The following DNMT3A variants were observed in gnomAD, a reference collection of about 807,000 sequenced individuals.
The protein encoded by DNMT3A is DNA (cytosine-5)-methyltransferase 3A.
Under a neutral mutation model 117.6 loss-of-function variants are expected in DNMT3A, and 267 were observed. That is an observed-to-expected ratio of 2.27 (90% CI 2.05 to 2.51). The LOEUF (loss-of-function observed/expected upper bound fraction) is 2.51. Among genes scored for constraint, DNMT3A ranks in the 30% most tolerant of loss-of-function variants. The pLI is 0.00. For missense variants in DNMT3A, 1,029 were observed against 1,260.2 expected (o/e 0.82, Z 2.78); for synonymous variants, 432 against 474.8 (o/e 0.91, Z 1.17).
chr2:25,341,980 C>A, upstream of DNMT3A: 1 of 967,856 alleles, frequency 1.0e-6, no homozygotes, highest in Non-Finnish European at 1.2e-6. Flanking sequence ...TCCCTCCCTC[C>A]GCTCGCTGTC....
At chr2:25,323,172 G>A (rs2034662449) in intron 1 of DNMT3A, among the ~76,000 whole-genome samples, 1 of 152,110 alleles carries the variant, frequency 6.6e-6, no homozygotes, top group African/African-American at 2.4e-5. Flanking sequence ...TGCGATGGAA[G>A]GATGCTAACA....
chr2:25,295,024 G>A (rs1362342534), intron 3 of DNMT3A, among the ~76,000 whole-genome samples: 2 of 152,162 alleles, frequency 1.3e-5, no homozygotes, highest in Non-Finnish European at 2.9e-5. Flanking sequence ...ATAGGGGATG[G>A]AGCCCCACAG....
At chr2:25,241,517 G>A (rs1674018878) in intron 17 of DNMT3A, 45 bp downstream of exon 17, 2 of 1,583,864 alleles carry the variant, frequency 1.3e-6, no homozygotes, top group Non-Finnish European at 1.7e-6. Flanking sequence ...GGTGCTGAGT[G>A]TGCAGGGAGG....
Position 25,244,170 on chromosome 2 carries a change from GT to G in DNMT3A, c.1835del (p.Asn612ThrfsTer39). 6.2e-7 allele frequency: 1 copy of G among 1,613,938 alleles called. No homozygotes were observed. Among genetic ancestry groups the G allele is most frequent in the Non-Finnish European group, 8.5e-7 (1 of 1,180,026 alleles). On this transcript the variant is annotated frameshift_variant, in exon 15 of 23. Transcript: ENST00000321117. LOFTEE classifies it high-confidence loss of function. ...CAGCACTCACAAATTCCTGGTCGTG[GT>G]TATTAGCGAAGAACATCTGGAGCCG... ...PSRLQMFFAN[N>X]HDQEFDPPKV...
At chr2:25,263,836 C>T (rs1023333176) in intron 6 of DNMT3A, among the ~76,000 whole-genome samples, 11 of 152,314 alleles carry the variant, frequency 7.2e-5, no homozygotes, top group Non-Finnish European at 1.2e-4. Context: ...AGGTCAATGG[C>T]GGTACACTGC....
intron 1 of DNMT3A, among the ~76,000 whole-genome samples, chr2:25,318,584 C>A (rs759648713): frequency 6.6e-6 from 1 of 152,030 alleles, no homozygotes; most frequent in Non-Finnish European, 1.5e-5. Flanking sequence ...CCGTGCCCAG[C>A]CAAAATTCTT....
At chr2:25,314,743 C>A (rs1039983588) in intron 1 of DNMT3A, 5 of 979,390 alleles carry the variant, frequency 5.1e-6, no homozygotes, top group South Asian at 4.7e-5. Flanking sequence ...GGAGAGGCCA[C>A]GGCCACGGCC....
chr2:25,247,163 G>A lies in DNMT3A; in HGVS notation c.1015-5C>T. Reference sequence around the variant, plus strand: ...CATCAGCTTCTCAACACACACCTGGGGGGACAAGCCAGGCCTTGTTTGCCG... The same window carrying A: ...CATCAGCTTCTCAACACACACCTGGAGGGACAAGCCAGGCCTTGTTTGCCG... On this transcript the variant is annotated splice_polypyrimidine_tract_variant and splice_region_variant and intron_variant, in intron 8 of 22. Transcript: ENST00000321117. The surrounding 1 kb of genome is among the most constrained non-coding windows in gnomAD (Gnocchi z 5.6). 2 of 1,613,554 alleles carry A rather than the reference G, an allele frequency of 1.2e-6. No homozygotes were observed. Among genetic ancestry groups the A allele is most frequent in the Non-Finnish European group, 1.7e-6 (2 of 1,179,726 alleles).
Position 25,287,989 on chromosome 2 carries a change from T to C in DNMT3A, c.178-5278A>G, listed in dbSNP as rs535940676. Among the ~76,000 whole-genome samples the C allele has an allele frequency of 1.7e-3, 262 of 151,924 alleles. 2 individuals carry two copies. Among genetic ancestry groups the C allele is most frequent in the African/African-American group, 5.9e-3 (245 of 41,498 alleles). ...AGCTGGGATTACAGGTGTCTGCTATTACACTTGGCTAACTTTTTGTATTTT... is the reference window on the plus strand; with the variant it reads ...AGCTGGGATTACAGGTGTCTGCTATCACACTTGGCTAACTTTTTGTATTTT... On this transcript the variant is annotated intron_variant, in intron 3 of 22. Coordinates refer to ENST00000321117, the MANE Select transcript of DNMT3A (RefSeq NM_022552.5).
At chr2:25,336,668 G>A (rs549774423) in intron 1 of DNMT3A, among the ~76,000 whole-genome samples, 46 of 151,288 alleles carry the variant, frequency 3.0e-4, no homozygotes, top group Middle Eastern at 3.4e-3. Context: ...TGGCCGCCAC[G>A]CTGAGGCAGT....
rs572607540 is a variant in DNMT3A at position 25,340,452 on chromosome 2, G to A, written c.-178+1374C>T. Among the ~76,000 whole-genome samples the A allele has an allele frequency of 2.0e-4, 31 of 152,198 alleles. No homozygotes were observed. The East Asian group carries it at 5.5e-3, about 27-fold the overall frequency. ...GGCAGCCCCAGGGCCGCGGGCCCCAGCGATGAGGGGCTGGGGGAGGCCAGG... is the reference window on the plus strand; with the variant it reads ...GGCAGCCCCAGGGCCGCGGGCCCCAACGATGAGGGGCTGGGGGAGGCCAGG... On this transcript the variant is annotated intron_variant, in intron 1 of 22. Coordinates refer to ENST00000321117, the MANE Select transcript of DNMT3A (RefSeq NM_022552.5).
rs139759696 is a variant in DNMT3A, at chr2:25,332,203, C to T, written c.-178+9623G>A. On this transcript the variant is annotated intron_variant, in intron 1 of 22. Transcript: ENST00000321117. The stretch of plus-strand genomic sequence containing the variant: ...AGCCCAACGTCCGTTCATAACATCC[C>T]GCCTTCCATGTCCCCCGGCCCAGGC... 1.8e-3 allele frequency among the ~76,000 whole-genome samples: 281 copies of T among 152,312 alleles called. 3 individuals are homozygous for T. Among genetic ancestry groups the T allele is most frequent in the African/African-American group, 6.5e-3 (272 of 41,562 alleles).
At position 25,246,045 on chromosome 2, in the gene DNMT3A, C is replaced by T. The variant is rs1558668621; in HGVS notation, c.1449G>A (p.Val483=). The change falls in exon 12 of 23, where the codon GTG becomes GTA. Residue 483 remains valine, a synonymous_variant. Transcript: ENST00000321117. ...ERTRERLVYE[V]RQKCRNIEDI... ...CCTCAATGTTCCGGCACTTCTGCCGCACCTCGTACACCAGCCGCTCTGCAA... is the reference window on the plus strand; with the variant it reads ...CCTCAATGTTCCGGCACTTCTGCCGTACCTCGTACACCAGCCGCTCTGCAA... 4.3e-6 allele frequency: 7 copies of T among 1,614,020 alleles called. No homozygotes were observed. The highest frequency in any genetic ancestry group is 5.9e-6 in the Non-Finnish European group (7 of 1,179,980).
rs2031968465 is a variant in DNMT3A, at chr2:25,282,599, C to G, written c.290G>C (p.Ser97Thr). Residue 97 changes from serine to threonine, a missense_variant, in exon 4 of 23, where the codon AGT becomes ACT. Transcript: ENST00000321117. This position sits in a 1 kb window ranked among gnomAD's most constrained non-coding sequence, Gnocchi z 5.2. ...LLPNGDLEKRSEPQPEEGSPA... is the reference protein window; with the variant it reads ...LLPNGDLEKRTEPQPEEGSPA... The stretch of plus-strand genomic sequence containing the variant: ...GCTCCCCTCCTCTGGCTGGGGCTCA[C>G]TCCGCTTCTCCAAGTCCCCATTGGG... The G allele has an allele frequency of 1.2e-6, 2 of 1,613,572 alleles. No homozygotes were observed. The highest frequency in any genetic ancestry group is 2.2e-5 in the South Asian group (2 of 91,034).
intron 1 of DNMT3A, among the ~76,000 whole-genome samples, chr2:25,338,235 A>G (rs1397366750): frequency 6.6e-6 from 1 of 152,222 alleles, no homozygotes; most frequent in Admixed American, 6.5e-5. Context: ...ACCTCCCACA[A>G]ACAGTCCCGT....
chr2:25,315,500 G>A (rs1198238126), intron 1 of DNMT3A, among the ~76,000 whole-genome samples: 1 of 152,216 alleles, frequency 6.6e-6, no homozygotes, highest in Non-Finnish European at 1.5e-5. Context: ...TAGGCACAGC[G>A]CAGTGCTGGG....
rs1558722477 is a variant in DNMT3A at position 25,300,707 on chromosome 2, A to AC, written c.73-465_73-464insG. On this transcript the variant is annotated intron_variant, in intron 2 of 22. Transcript: ENST00000321117. ...TAGATATATATTTATATATCTAAAT[A>AC]ATATAATATATATATATATATATAT... 3.0e-3 allele frequency among the ~76,000 whole-genome samples: 172 copies of AC among 57,856 alleles called. 11 individuals carry two copies. The highest frequency in any genetic ancestry group is 0.011 in the African/African-American group (154 of 14,494). The allele number at this position is 57,856 out of a possible 152,430, so 38.0% of individuals were successfully genotyped here.
rs1349621546 is a variant in DNMT3A at position 25,246,198 on chromosome 2, TTC to T, written c.1389_1390del (p.Lys464AlafsTer8). ...ATCAATAATCTCCTTGACCTTGGGCTTCTCCGCTGTGCTCTTCCGGGGCTTTT... is the reference window on the plus strand; with the variant it reads ...ATCAATAATCTCCTTGACCTTGGGCTTCCGCTGTGCTCTTCCGGGGCTTTT... On this transcript the variant is annotated frameshift_variant, in exon 11 of 23. Coordinates refer to ENST00000321117, the MANE Select transcript of DNMT3A (RefSeq NM_022552.5). LOFTEE classifies it high-confidence loss of function. The T allele has an allele frequency of 6.2e-7, 1 of 1,614,018 alleles. No homozygotes were observed. The highest frequency in any genetic ancestry group is 8.5e-7 in the Non-Finnish European group (1 of 1,179,988).
chr2:25,250,541 C>G (rs1675390613), intron 6 of DNMT3A, among the ~76,000 whole-genome samples: 1 of 152,216 alleles, frequency 6.6e-6, no homozygotes, highest in South Asian at 2.1e-4. Context: ...TCTGCCCTCC[C>G]CTTCCTACTA....
Sources: allele counts gnomAD v4.1 joint callset (sites outside exome capture counted in the v4.1 genomes callset), GRCh38; gene constraint gnomAD v4.1.1; non-coding constraint Gnocchi (gnomAD v3.1); transcripts MANE v1.5; gene names NCBI Gene and HGNC (gene_info 2026-07-23, HGNC 2026-07-21).